FAM107B: variants seen among roughly 807,000 people sequenced by gnomAD.
FAM107B encodes protein FAM107B.
In FAM107B, 21 loss-of-function variants were observed where a neutral mutation model predicts 31.5. The ratio of observed to expected loss-of-function variants is 0.67; its 90% confidence interval spans 0.47 to 0.96. The LOEUF (loss-of-function observed/expected upper bound fraction) is 0.96, where lower values mean the gene tolerates loss of function less well. Among genes scored for constraint, FAM107B ranks in the 40% least tolerant of loss-of-function variants. The probability of loss-of-function intolerance (pLI) is 0.00; values close to 1 mark genes in which losing one functional copy is unlikely to be tolerated. For missense variants in FAM107B, 452 were observed against 377.1 expected (o/e 1.20, Z -1.64); for synonymous variants, 157 against 141.5 (o/e 1.11, Z -0.78).
At chr10:14,543,616 T>C (rs1848434603) in intron 2 of FAM107B, among the ~76,000 whole-genome samples, 1 of 151,514 alleles carries the variant, frequency 6.6e-6, no homozygotes, top group African/African-American at 2.4e-5. Flanking sequence ...TTCTCTAAAG[T>C]TCAGCACTTC....
chr10:14,619,276 C>T (rs548765861), intron 2 of FAM107B, among the ~76,000 whole-genome samples: 19 of 152,286 alleles, frequency 1.2e-4, no homozygotes, highest in African/African-American at 4.6e-4. Flanking sequence ...TTAATGGGCA[C>T]TTTTTCCCAA....
At chr10:14,614,352 C>T (rs148292719) in intron 2 of FAM107B, among the ~76,000 whole-genome samples, 5 of 151,940 alleles carry the variant, frequency 3.3e-5, no homozygotes, top group African/African-American at 1.2e-4. Context: ...ATTTAGTGGT[C>T]GGGGAGCTGC....
intron 1 of FAM107B, among the ~76,000 whole-genome samples, chr10:14,696,497 A>C (rs1275590539): frequency 2.0e-5 from 3 of 151,974 alleles, no homozygotes; most frequent in Non-Finnish European, 4.4e-5. Context: ...CTGGCCTCAT[A>C]AGATGTGTTT....
chr10:14,724,416 TA>T (rs1855982404), intron 1 of FAM107B, among the ~76,000 whole-genome samples: 1 of 152,340 alleles, frequency 6.6e-6, no homozygotes, highest in South Asian at 2.1e-4. Flanking sequence ...TGACTGTAAG[TA>T]AAGGGTTTAT....
intron 2 of FAM107B, among the ~76,000 whole-genome samples, chr10:14,626,574 A>G (rs1445622521): frequency 5.7e-5 from 8 of 140,834 alleles, no homozygotes; most frequent in Non-Finnish European, 1.1e-4. Flanking sequence ...CGTGAGCTCG[A>G]CTCACTGCAA....
At chr10:14,698,134 A>G (rs796394449) in intron 1 of FAM107B, among the ~76,000 whole-genome samples, 12 of 152,312 alleles carry the variant, frequency 7.9e-5, no homozygotes, top group African/African-American at 2.9e-4. Flanking sequence ...CAAAAAAAAA[A>G]AAGAAGAAAT....
At position 14,651,258 on chromosome 10, in the gene FAM107B, A is replaced by G. The variant is rs1289171157; in HGVS notation, c.469+16376T>C. Among the ~76,000 whole-genome samples, 3 of 152,210 alleles carry G rather than the reference A, an allele frequency of 2.0e-5. No homozygotes were observed. The East Asian group carries it at 5.8e-4, about 29-fold the overall frequency. On this transcript the variant is annotated intron_variant, in intron 2 of 4. Coordinates refer to ENST00000181796, the MANE Select transcript of FAM107B (RefSeq NM_031453.4). ...GACAATATTAGGATTCTCTGGCTAA[A>G]GAATATGAATATTGGATAAACATCT...
intron 2 of FAM107B, among the ~76,000 whole-genome samples, chr10:14,576,324 C>T (rs1204825835): frequency 6.6e-6 from 1 of 152,136 alleles, no homozygotes; most frequent in African/African-American, 2.4e-5. Context: ...GTCAGGAGTT[C>T]GAGACCAGCC....
chr10:14,609,508 T>G (rs1250191547), intron 2 of FAM107B, among the ~76,000 whole-genome samples: 1 of 152,144 alleles, frequency 6.6e-6, no homozygotes, highest in East Asian at 1.9e-4. Flanking sequence ...AACCTCATCA[T>G]GTGGCCCTCC....
chr10:14,614,663 CG>C (rs1203286946), intron 2 of FAM107B, among the ~76,000 whole-genome samples: 2 of 132,680 alleles, frequency 1.5e-5, no homozygotes, highest in African/African-American at 2.9e-5. Flanking sequence ...ACACAGCAAG[CG>C]AGACTCTGTC....
chr10:14,745,563 G>A (rs1262949130), intron 1 of FAM107B, among the ~76,000 whole-genome samples: 1 of 152,102 alleles, frequency 6.6e-6, no homozygotes, highest in African/African-American at 2.4e-5. Flanking sequence ...TATTTACCCA[G>A]GAGTCATTCA....
chr10:14,541,496 C>T (rs1459613213), intron 2 of FAM107B, among the ~76,000 whole-genome samples: 2 of 152,228 alleles, frequency 1.3e-5, no homozygotes, highest in African/African-American at 4.8e-5. Context: ...CCCTCCTCCC[C>T]AGCCAGTAAA....
In FAM107B at chr10:14,540,398, C is replaced by T. The variant is rs1386256625; in HGVS notation, c.470-9883G>A. 2.6e-5 allele frequency among the ~76,000 whole-genome samples: 4 copies of T among 152,226 alleles called. No homozygotes were observed. In the South Asian group the frequency reaches 6.2e-4, roughly 24 times the overall value. On this transcript the variant is annotated intron_variant, in intron 2 of 4. Transcript: ENST00000181796. The stretch of plus-strand genomic sequence containing the variant: ...TTCACAGCAACAGCATGTTTCTATC[C>T]GCATGACAGTCCACACCCGGCAGGG...
chr10:14,559,336 T>C (rs1213616805), intron 2 of FAM107B, among the ~76,000 whole-genome samples: 1 of 152,170 alleles, frequency 6.6e-6, no homozygotes, highest in African/African-American at 2.4e-5. Flanking sequence ...CCAGCCTTCA[T>C]GAGCCCAGCT....
In FAM107B at chr10:14,572,775, A is replaced by G. The variant is rs370948019; in HGVS notation, c.470-42260T>C. ...TATATATATATTAGAGTGTGTGTGT[A>G]TATATGTTATGTATAGGTGTATGTA... On this transcript the variant is annotated intron_variant, in intron 2 of 4. Transcript: ENST00000181796. 1.6e-4 allele frequency among the ~76,000 whole-genome samples: 23 copies of G among 141,620 alleles called. No homozygotes were observed. In the East Asian group the frequency reaches 4.4e-3, roughly 27 times the overall value. 92.9% of individuals were successfully genotyped at this position (141,620 alleles called of 152,430 possible).
At chr10:14,683,816 C>T (rs1854908575) in intron 1 of FAM107B, among the ~76,000 whole-genome samples, 1 of 152,116 alleles carries the variant, frequency 6.6e-6, no homozygotes, top group Non-Finnish European at 1.5e-5. Flanking sequence ...AAATGTTTCT[C>T]CCAAAAATTA....
chr10:14,669,253 C>T (rs752277722), intron 1 of FAM107B, among the ~76,000 whole-genome samples: 21 of 151,672 alleles, frequency 1.4e-4, no homozygotes, highest in Admixed American at 2.6e-4. Flanking sequence ...GCCTGTAAAT[C>T]CAGCTACTCG....
At chr10:14,545,119 T>C (rs565354793) in intron 2 of FAM107B, among the ~76,000 whole-genome samples, 5 of 152,302 alleles carry the variant, frequency 3.3e-5, no homozygotes, top group Admixed American at 1.3e-4. Flanking sequence ...TATTCCATCA[T>C]ACAGATAGGG....
chr10:14,735,469 A>T (rs1198361081), intron 1 of FAM107B, among the ~76,000 whole-genome samples: 1 of 152,198 alleles, frequency 6.6e-6, no homozygotes, highest in Non-Finnish European at 1.5e-5. Flanking sequence ...GTGGCCTCCA[A>T]GATGATTCCT....
Sources: allele counts gnomAD v4.1 joint callset (sites outside exome capture counted in the v4.1 genomes callset), GRCh38; gene constraint gnomAD v4.1.1; transcripts MANE v1.5; gene names NCBI Gene and HGNC (gene_info 2026-07-23, HGNC 2026-07-21).